Variants in PDE10A observed in about 807,000 individuals in gnomAD.
PDE10A encodes cAMP and cAMP-inhibited cGMP 3',5'-cyclic phosphodiesterase 10A.
In PDE10A, 39 loss-of-function variants were observed where a neutral mutation model predicts 97.7. The ratio of observed to expected loss-of-function variants is 0.40; its 90% CI spans 0.31 to 0.52. PDE10A has a LOEUF of 0.52. PDE10A is among the 20% of genes least tolerant of loss of function. The pLI, the probability that PDE10A is intolerant of heterozygous loss-of-function variation, is 0.56. For missense variants in PDE10A, 731 were observed against 1,047.8 expected (o/e 0.70, Z 4.17); for synonymous variants, 371 against 376.8 (o/e 0.98, Z 0.18).
chr6:165,675,068 G>A (rs949229643), intron 1 of PDE10A, among the ~76,000 whole-genome samples: 3 of 152,220 alleles, frequency 2.0e-5, no homozygotes, highest in African/African-American at 7.2e-5. Context: ...TTAGTGATGA[G>A]AAGGAGGTGA....
At chr6:165,430,490 TTAA>T (rs1789472622) in intron 8 of PDE10A, 145 bp from the exon 9 acceptor site, 7 of 562,598 alleles carry the variant, frequency 1.2e-5, no homozygotes, top group Non-Finnish European at 1.6e-5. Context: ...TCAATAACCA[TTAA>T]TATTTACTGA....
chr6:165,345,520 G>C (rs1782248445), intron 18 of PDE10A, among the ~76,000 whole-genome samples: 1 of 152,140 alleles, frequency 6.6e-6, no homozygotes, highest in African/African-American at 2.4e-5. Context: ...ATGGAATGTA[G>C]AACTGACTGC....
At chr6:165,469,132 C>T (rs1270522645) in intron 3 of PDE10A, among the ~76,000 whole-genome samples, 1 of 152,198 alleles carries the variant, frequency 6.6e-6, no homozygotes, top group East Asian at 1.9e-4. Flanking sequence ...ATAAGATATG[C>T]ATCTTCTATG....
At chr6:165,640,072 G>C (rs201541331) in intron 1 of PDE10A, among the ~76,000 whole-genome samples, 88 of 138,644 alleles carry the variant, frequency 6.3e-4, no homozygotes, top group Non-Finnish European at 7.2e-4. Flanking sequence ...TCTGTCACCA[G>C]AAAAAAAAAA....
intron 1 of PDE10A, among the ~76,000 whole-genome samples, chr6:165,924,358 TC>T (rs994999448): frequency 1.9e-4 from 29 of 152,190 alleles, no homozygotes; most frequent in African/African-American, 7.0e-4. Context: ...TGTGTACAGT[TC>T]ATGGTTCCTA....
chr6:165,507,492 C>CA (rs1299639238), intron 2 of PDE10A, among the ~76,000 whole-genome samples: 1 of 152,076 alleles, frequency 6.6e-6, no homozygotes, highest in Non-Finnish European at 1.5e-5. Context: ...ACCTGGAAGA[C>CA]AGACACCCCA....
intron 1 of PDE10A, among the ~76,000 whole-genome samples, chr6:165,650,522 C>T (rs1229775451): frequency 1.3e-5 from 2 of 152,066 alleles, no homozygotes; most frequent in Non-Finnish European, 2.9e-5. Flanking sequence ...ATGTTGTTTA[C>T]ACCTTGCTTT....
At chr6:165,833,730 G>A (rs1358388796) in intron 1 of PDE10A, among the ~76,000 whole-genome samples, 1 of 152,348 alleles carries the variant, frequency 6.6e-6, no homozygotes, top group South Asian at 2.1e-4. Context: ...TGCACACCTG[G>A]ATTGGCAATG....
At chr6:165,616,867 T>C (rs1054419931) in intron 1 of PDE10A, among the ~76,000 whole-genome samples, 1 of 152,006 alleles carries the variant, frequency 6.6e-6, no homozygotes, top group Non-Finnish European at 1.5e-5. Flanking sequence ...GAACCAAAAT[T>C]TGAGAACAGA....
At chr6:165,725,616 G>A (rs557746864) in intron 1 of PDE10A, among the ~76,000 whole-genome samples, 1 of 143,260 alleles carries the variant, frequency 7.0e-6, no homozygotes, top group Admixed American at 7.0e-5. Context: ...CAGAGGTGAG[G>A]AACTGGATGT....
intron 1 of PDE10A, among the ~76,000 whole-genome samples, chr6:165,720,894 C>T (rs1792152234): frequency 6.6e-6 from 1 of 152,152 alleles, no homozygotes; most frequent in Non-Finnish European, 1.5e-5. Context: ...ACTCAGAGGT[C>T]CTGAGGGTCT....
chr6:165,955,003 C>T (rs1225307259), intron 1 of PDE10A, among the ~76,000 whole-genome samples: 1 of 152,180 alleles, frequency 6.6e-6, no homozygotes, highest in African/African-American at 2.4e-5. Context: ...CTGCCTTACA[C>T]CTCCACAAGG....
At chr6:165,830,074 A>G (rs1779869113) in intron 1 of PDE10A, among the ~76,000 whole-genome samples, 1 of 152,244 alleles carries the variant, frequency 6.6e-6, no homozygotes, top group East Asian at 1.9e-4. Flanking sequence ...ATGAGTATCA[A>G]CATGAAGACA....
rs75127596 is a variant in PDE10A at position 165,740,299 on chromosome 6, A to G, written c.-614-196731T>C. Among the ~76,000 whole-genome samples the G allele has an allele frequency of 1.4e-3, 201 of 144,448 alleles. 1 individual carries two copies. In the East Asian group the frequency reaches 0.033, roughly 23 times the overall value. 94.8% of individuals were successfully genotyped at this position (144,448 alleles called of 152,430 possible). A position where few individuals can be genotyped will look rare whatever the true frequency, so the allele number is the denominator to read the frequency against. On this transcript the variant is annotated intron_variant, in intron 1 of 19. Transcript: ENST00000366882. ...CATACACATATACAATGGAATACATATATATATATGGAGAGAAAGAGAGAG... is the reference window on the plus strand; with the variant it reads ...CATACACATATACAATGGAATACATGTATATATATGGAGAGAAAGAGAGAG...
intron 1 of PDE10A, among the ~76,000 whole-genome samples, chr6:165,613,133 C>T (rs987066875): frequency 2.6e-4 from 40 of 152,110 alleles, no homozygotes; most frequent in African/African-American, 9.4e-4. Context: ...TTGATTCTAT[C>T]CCTTGAATTA....
chr6:165,444,840 A>C (rs977680271), intron 5 of PDE10A, among the ~76,000 whole-genome samples: 17 of 152,148 alleles, frequency 1.1e-4, no homozygotes, highest in Non-Finnish European at 1.8e-4. Flanking sequence ...CAGAAATTTA[A>C]TTATTTCTAC....
intron 1 of PDE10A, among the ~76,000 whole-genome samples, chr6:165,862,068 G>T (rs778678025): frequency 6.6e-6 from 1 of 152,196 alleles, no homozygotes; most frequent in African/African-American, 2.4e-5. Flanking sequence ...GGGCCAGGAC[G>T]CCTGCGCTCC....
intron 13 of PDE10A, among the ~76,000 whole-genome samples, chr6:165,400,390 G>T (rs1786550494): frequency 6.6e-6 from 1 of 152,096 alleles, no homozygotes; most frequent in Non-Finnish European, 1.5e-5. Context: ...ACCATTAAGA[G>T]AATGAAAAGA....
At chr6:165,754,135 A>T (rs1793065488) in intron 1 of PDE10A, 1 of 152,250 alleles carries the variant, frequency 6.6e-6, no homozygotes, top group African/African-American at 2.4e-5. Flanking sequence ...CACCTGCAGC[A>T]GGTTTTTTCA....
Sources: gnomAD v4.1 joint callset for allele counts (sites outside exome capture counted in the v4.1 genomes callset) on GRCh38, gnomAD v4.1.1 for gene constraint, MANE v1.5 for transcripts, NCBI Gene and HGNC (gene_info 2026-07-23, HGNC 2026-07-21) for gene names.